NCKAP5: variants seen among roughly 807,000 people sequenced by gnomAD.
The protein encoded by NCKAP5 is NCK associated protein 5.
Under a neutral mutation model 167.0 loss-of-function variants are expected in NCKAP5, and 92 were observed. The observed-to-expected ratio is 0.55, with a 90% CI of 0.47 to 0.66. NCKAP5 has a LOEUF of 0.66. Ranked by LOEUF, NCKAP5 falls within the 30% of genes least tolerant of loss-of-function variation. NCKAP5 has a pLI of 0.00. For synonymous variants in NCKAP5, 891 were observed against 877.4 expected (o/e 1.02, Z -0.27); for missense variants, 2,378 against 2,315.0 (o/e 1.03, Z -0.56).
chr2:133,558,273 A>C (rs899271188), intron 2 of NCKAP5: 1 of 152,184 alleles, frequency 6.6e-6, no homozygotes, highest in South Asian at 2.1e-4. Context: ...GTTCATTAAG[A>C]GACACTGACC....
At chr2:133,591,577 C>T in the NCKAP5 span, among the ~76,000 whole-genome samples, 1 of 152,196 alleles carries the variant, frequency 6.6e-6, no homozygotes, top group Non-Finnish European at 1.5e-5. Context: ...TAACAACTGT[C>T]GCTGTTGGCA....
chr2:133,545,462 G>C (rs1385297913), intron 2 of NCKAP5, among the ~76,000 whole-genome samples: 1 of 152,084 alleles, frequency 6.6e-6, no homozygotes, highest in South Asian at 2.1e-4. Context: ...CTGAAAGACA[G>C]GTATGACCTC....
chr2:132,808,721 T>G (rs1685630597), intron 11 of NCKAP5, among the ~76,000 whole-genome samples: 2 of 152,134 alleles, frequency 1.3e-5, no homozygotes. Flanking sequence ...GTTTTTTGTT[T>G]CATTTATCTT....
chr2:133,477,707 A>G lies in NCKAP5; in HGVS notation c.69+39751T>C, dbSNP rs1333810688. 2.6e-5 allele frequency among the ~76,000 whole-genome samples: 4 copies of G among 152,170 alleles called. No homozygotes were observed. The East Asian group carries it at 7.7e-4, about 29-fold the overall frequency. On this transcript the variant is annotated intron_variant, in intron 3 of 19. Coordinates refer to ENST00000409261, the MANE Select transcript of NCKAP5 (RefSeq NM_207363.3). Reference sequence around the variant, plus strand: ...ATGTGGTCTCTCTCACTCTCAAAATATCTTACTGTACTGTACTCATCATTT... The same window carrying G: ...ATGTGGTCTCTCTCACTCTCAAAATGTCTTACTGTACTGTACTCATCATTT...
intron 2 of NCKAP5, among the ~76,000 whole-genome samples, chr2:133,535,761 T>C (rs1671253556): frequency 6.6e-6 from 1 of 152,206 alleles, no homozygotes. Context: ...CCACCAACAG[T>C]GTAAAATAGT....
At chr2:132,871,698 T>G (rs1453328816) in intron 9 of NCKAP5, among the ~76,000 whole-genome samples, 6 of 152,188 alleles carry the variant, frequency 3.9e-5, no homozygotes, top group Admixed American at 2.6e-4. Flanking sequence ...TTTGGAAAAT[T>G]ATTTGCTCCT....
the NCKAP5 span, among the ~76,000 whole-genome samples, chr2:133,654,539 C>T: frequency 6.6e-6 from 1 of 152,116 alleles, no homozygotes; most frequent in Non-Finnish European, 1.5e-5. Context: ...CACATCCATC[C>T]TTTGGCTCTC....
intron 8 of NCKAP5, among the ~76,000 whole-genome samples, chr2:132,939,388 G>C (rs529780818): frequency 3.9e-5 from 6 of 152,200 alleles, no homozygotes; most frequent in Admixed American, 2.6e-4. Context: ...ACTCATGGAG[G>C]GGCTGATAAT....
the NCKAP5 span, among the ~76,000 whole-genome samples, chr2:133,585,681 CAT>C: frequency 6.6e-6 from 1 of 152,118 alleles, no homozygotes; most frequent in Non-Finnish European, 1.5e-5. Flanking sequence ...AGTCACTTTA[CAT>C]ATGTTATTTC....
At chr2:132,703,341 A>G (rs901652334) in intron 19 of NCKAP5, among the ~76,000 whole-genome samples, 5 of 152,206 alleles carry the variant, frequency 3.3e-5, no homozygotes, top group Non-Finnish European at 7.3e-5. Flanking sequence ...TATTCTGACA[A>G]TTCATCTTGG....
intron 11 of NCKAP5, among the ~76,000 whole-genome samples, chr2:132,823,983 T>C (rs921436560): frequency 1.3e-5 from 2 of 152,006 alleles, no homozygotes; most frequent in Non-Finnish European, 2.9e-5. Flanking sequence ...AACAGGAAAA[T>C]ATCAGAATCC....
chr2:133,418,886 A>C (rs1574920929), intron 3 of NCKAP5, among the ~76,000 whole-genome samples: 1 of 152,308 alleles, frequency 6.6e-6, no homozygotes, highest in South Asian at 2.1e-4. Context: ...TTTTACCCTT[A>C]GTGTGGGTTC....
chr2:132,765,312 T>TC lies in NCKAP5; in HGVS notation c.5128+8503_5128+8504insG, dbSNP rs1287455863. ...TTCCTATGGATTTCTTTCTTTCTTT[T>TC]TTTTTTTTTTTTTTTTTGAGACGGA... On this transcript the variant is annotated intron_variant, in intron 16 of 19. Transcript: ENST00000409261. Among the ~76,000 whole-genome samples the TC allele has an allele frequency of 2.7e-5, 4 of 146,360 alleles. No individual in the cohort carries two copies. The South Asian group carries it at 6.6e-4, about 24-fold the overall frequency.
chr2:133,424,430 C>T (rs560425510), intron 3 of NCKAP5, among the ~76,000 whole-genome samples: 11 of 152,300 alleles, frequency 7.2e-5, no homozygotes, highest in African/African-American at 2.2e-4. Context: ...TAAATAATTA[C>T]GCATCTTGTC....
intron 19 of NCKAP5, among the ~76,000 whole-genome samples, chr2:132,719,349 A>G (rs1395719197): frequency 1.3e-5 from 2 of 150,430 alleles, no homozygotes; most frequent in Admixed American, 1.3e-4. Context: ...TTTAACAGCA[A>G]AAGGACAACT....
At chr2:133,147,506 G>T (rs752492953) in intron 5 of NCKAP5, among the ~76,000 whole-genome samples, 22 of 152,144 alleles carry the variant, frequency 1.4e-4, no homozygotes, top group Non-Finnish European at 2.9e-4. Flanking sequence ...TAAAATTGGA[G>T]TCACTCCTAA....
intron 11 of NCKAP5, among the ~76,000 whole-genome samples, chr2:132,859,384 A>G (rs182690304): frequency 7.7e-4 from 117 of 152,204 alleles, no homozygotes; most frequent in African/African-American, 2.6e-3. Context: ...CACAGTCTGG[A>G]TCATTTGGAA....
intron 19 of NCKAP5, among the ~76,000 whole-genome samples, chr2:132,710,243 T>TCTAC (rs1270098183): frequency 5.9e-5 from 9 of 152,308 alleles, no homozygotes; most frequent in Admixed American, 5.9e-4. Context: ...ATTAAGTTAA[T>TCTAC]CTACCCCAAA....
chr2:133,128,455 G>C lies in NCKAP5; in HGVS notation c.341+1523C>G, dbSNP rs181561520. 6.6e-5 allele frequency among the ~76,000 whole-genome samples: 10 copies of C among 152,286 alleles called. No homozygotes were observed. In the East Asian group the frequency reaches 1.9e-3, roughly 29 times the overall value. On this transcript the variant is annotated intron_variant, in intron 6 of 19. Transcript: ENST00000409261. ...GAATTGAAGGGATTTTAACATAATA[G>C]TTTGAACCATCACCTACCCTCATAT... is the stretch of plus-strand genomic sequence containing the variant.
Sources: gnomAD v4.1 joint callset for allele counts (sites outside exome capture counted in the v4.1 genomes callset) on GRCh38, gnomAD v4.1.1 for gene constraint, MANE v1.5 for transcripts, NCBI Gene and HGNC (gene_info 2026-07-23, HGNC 2026-07-21) for gene names.